The following FMN1 variants were observed in gnomAD, a reference collection of about 807,000 sequenced individuals.
The protein encoded by FMN1 is formin 1, also known as formin-1.
A neutral mutation model predicts 132.4 loss-of-function variants in FMN1; 110 were observed. That is an observed-to-expected ratio of 0.83 (90% confidence interval 0.71 to 0.97). The LOEUF is 0.97. FMN1 is among the 50% of genes least tolerant of loss of function. The pLI is 0.00. For missense variants in FMN1, 1,792 were observed against 1,705.3 expected, an observed-to-expected ratio of 1.05 and a Z score of -0.90; for synonymous variants, 722 against 651.7, an observed-to-expected ratio of 1.11 and a Z score of -1.64.
intron 6 of FMN1, among the ~76,000 whole-genome samples, chr15:33,024,774 T>C (rs535683082): frequency 7.5e-4 from 114 of 152,278 alleles, no homozygotes; most frequent in Non-Finnish European, 8.2e-4. Flanking sequence ...AAGAACACTA[T>C]GGAACCATTG....
At chr15:33,014,150 C>T (rs1174104165) in intron 6 of FMN1, among the ~76,000 whole-genome samples, 1 of 152,220 alleles carries the variant, frequency 6.6e-6, no homozygotes, top group Admixed American at 6.5e-5. Context: ...TTACTACTGG[C>T]ATTGGTGAAT....
At chr15:33,067,094 T>A (rs1353034269) in intron 5 of FMN1, 4 of 1,613,986 alleles carry the variant, frequency 2.5e-6, no homozygotes, top group South Asian at 1.1e-5. Context: ...TCCAGAGACT[T>A]CTTTTTTAGA....
At chr15:32,964,524 G>C (rs1196114988) in intron 8 of FMN1, among the ~76,000 whole-genome samples, 1 of 152,146 alleles carries the variant, frequency 6.6e-6, no homozygotes, top group African/African-American at 2.4e-5. Context: ...AAACTCCTTA[G>C]GACTAGAAAT....
chr15:32,953,993 A>G (rs1418621918), intron 9 of FMN1, among the ~76,000 whole-genome samples: 2 of 152,220 alleles, frequency 1.3e-5, no homozygotes, highest in Non-Finnish European at 2.9e-5. Flanking sequence ...TGCATCTGGA[A>G]AGCATATTTG....
chr15:32,949,979 A>ATATATTAAAAAG (rs2061599145), intron 9 of FMN1, among the ~76,000 whole-genome samples: 1 of 36,428 alleles, frequency 2.7e-5, no homozygotes, highest in African/African-American at 1.6e-4. Context: ...ACATATATAT[A>ATATATTAAAAAG]CACACACATA....
chr15:33,059,616 C>CT (rs2141220401), intron 6 of FMN1, among the ~76,000 whole-genome samples: 1 of 152,316 alleles, frequency 6.6e-6, no homozygotes, highest in Non-Finnish European at 1.5e-5. Context: ...CAATTTTAGA[C>CT]TATCTTTATC....
chr15:33,153,128 C>A lies in FMN1; in HGVS notation c.1787G>T (p.Arg596Leu), dbSNP rs1029801716. 1 of 1,535,954 alleles carries A rather than the reference C, an allele frequency of 6.5e-7. No homozygotes were observed. The highest frequency in any genetic ancestry group is 1.2e-5 in the South Asian group (1 of 84,056). Residue 596 changes from arginine to leucine, a missense_variant, in exon 4 of 21, where the codon CGG becomes CTG. This residue lies in a region of FMN1 where 1,150 missense variants were observed against 1,043.1 expected (regional missense o/e 1.10). Coordinates refer to ENST00000616417, the MANE Select transcript of FMN1 (RefSeq NM_001277313.2). ...SPAFLRAGQP[R>L]LVPGETLEKS... Reference sequence around the variant, plus strand: ...TTCCAAAGTTTCCCCAGGCACCAACCGAGGTTGGCCTGCTCTGAGGAAGGC... The same window carrying A: ...TTCCAAAGTTTCCCCAGGCACCAACAGAGGTTGGCCTGCTCTGAGGAAGGC...
At chr15:32,905,613 A>C (rs1453789801) in intron 12 of FMN1, among the ~76,000 whole-genome samples, 1 of 152,224 alleles carries the variant, frequency 6.6e-6, no homozygotes, top group East Asian at 1.9e-4. Flanking sequence ...TGGCTTTCTA[A>C]ATCTGGCACT....
intron 17 of FMN1, among the ~76,000 whole-genome samples, chr15:32,847,385 C>T (rs1259447628): frequency 1.3e-5 from 2 of 152,080 alleles, no homozygotes; most frequent in Non-Finnish European, 2.9e-5. Context: ...ACCTCCAAAC[C>T]CAACCACTAC....
intron 9 of FMN1, among the ~76,000 whole-genome samples, chr15:32,928,071 C>A (rs1197681533): frequency 6.6e-6 from 1 of 152,186 alleles, no homozygotes; most frequent in Non-Finnish European, 1.5e-5. Flanking sequence ...ATTAATCGAT[C>A]TTGAATCAAT....
chr15:32,887,572 T>C (rs1366206222), intron 16 of FMN1, among the ~76,000 whole-genome samples: 1 of 152,222 alleles, frequency 6.6e-6, no homozygotes, highest in Non-Finnish European at 1.5e-5. Context: ...ACCATCATTA[T>C]TAGACTCATA....
In FMN1 at chr15:32,893,034, C is replaced by T. The variant is rs543654098; in HGVS notation, c.3715-4742G>A. ...AAAACATGGTTCTGAGATGTATGTA[C>T]CTTTAGCAGGAGACATCTAATTTAT... On this transcript the variant is annotated intron_variant, in intron 15 of 20. Transcript: ENST00000616417. Among the ~76,000 whole-genome samples, 4 of 152,256 alleles carry T rather than the reference C, an allele frequency of 2.6e-5. No individual in the cohort carries two copies. The South Asian group carries it at 6.2e-4, about 24-fold the overall frequency.
At chr15:33,086,894 A>G (rs551126299) in intron 5 of FMN1, among the ~76,000 whole-genome samples, 8 of 152,340 alleles carry the variant, frequency 5.3e-5, no homozygotes, top group African/African-American at 1.9e-4. Context: ...CCATGGTTTT[A>G]TGGTTATGAA....
chr15:33,002,134 A>C (rs1555377028), intron 7 of FMN1, among the ~76,000 whole-genome samples: 1 of 152,202 alleles, frequency 6.6e-6, no homozygotes, highest in Non-Finnish European at 1.5e-5. Context: ...AAAAAGACCT[A>C]AATGTGATAC....
intron 6 of FMN1, among the ~76,000 whole-genome samples, chr15:33,045,451 C>A (rs992919925): frequency 3.3e-5 from 5 of 152,180 alleles, no homozygotes; most frequent in Non-Finnish European, 7.4e-5. Flanking sequence ...TCCCAAAAAT[C>A]CTGTAATTGT....
At chr15:33,100,223 TAAA>T (rs61200336) in intron 4 of FMN1, among the ~76,000 whole-genome samples, 2,795 of 115,402 alleles carry the variant, frequency 0.024, 94 homozygotes, top group African/African-American at 0.078. Flanking sequence ...ACTTTCACAG[TAAA>T]AAAAAAAAAA....
intron 3 of FMN1, among the ~76,000 whole-genome samples, chr15:33,159,700 A>G (rs547424027): frequency 2.6e-5 from 4 of 152,320 alleles, no homozygotes; most frequent in African/African-American, 9.6e-5. Flanking sequence ...AACTTTCTCA[A>G]CTTTGTCCTT....
intron 6 of FMN1, among the ~76,000 whole-genome samples, chr15:33,051,751 A>T (rs1368384749): frequency 6.6e-6 from 1 of 152,172 alleles, no homozygotes; most frequent in African/African-American, 2.4e-5. Flanking sequence ...CTGTACATGC[A>T]GCCCCTCCCA....
chr15:32,844,295 A>AG (rs2058810877), intron 17 of FMN1, among the ~76,000 whole-genome samples: 2 of 152,184 alleles, frequency 1.3e-5, no homozygotes, highest in Admixed American at 1.3e-4. Flanking sequence ...GTGGATCCCA[A>AG]GGATCATGTG....
Sources: gnomAD v4.1 joint callset for allele counts (sites outside exome capture counted in the v4.1 genomes callset) on GRCh38, gnomAD v4.1.1 for gene constraint, gnomAD v4.1.1 regional missense constraint, MANE v1.5 for transcripts, NCBI Gene and HGNC (gene_info 2026-07-23, HGNC 2026-07-21) for gene names.